Variants in TET1 observed in about 807,000 individuals in gnomAD.
TET1 encodes the protein methylcytosine dioxygenase TET1.
A neutral mutation model predicts 148.7 loss-of-function variants in TET1; 13 were observed. The ratio of observed to expected loss-of-function variants is 0.09; its 90% confidence interval spans 0.06 to 0.14. The LOEUF (loss-of-function observed/expected upper bound fraction) is 0.14, where lower values mean the gene tolerates loss of function less well. TET1 is among the 10% of genes least tolerant of loss of function. The pLI, the probability that TET1 is intolerant of heterozygous loss-of-function variation, is 1.00. For missense variants in TET1, 2,182 were observed against 2,553.8 expected (o/e 0.85, Z 3.14); for synonymous variants, 907 against 937.2 (o/e 0.97, Z 0.59).
intron 6 of TET1, among the ~76,000 whole-genome samples, chr10:68,660,963 G>A (rs539548275): frequency 1.5e-4 from 23 of 150,102 alleles, no homozygotes; most frequent in South Asian, 4.2e-4. Flanking sequence ...CGCGCTAGCC[G>A]TTTTAAACCT....
intron 8 of TET1, among the ~76,000 whole-genome samples, chr10:68,680,426 C>T (rs915195070): frequency 6.6e-6 from 1 of 152,198 alleles, no homozygotes; most frequent in Non-Finnish European, 1.5e-5. Context: ...TGATCTGCCA[C>T]TTCAGCCTCC....
At chr10:68,614,247 G>A (rs556403262) in intron 3 of TET1, among the ~76,000 whole-genome samples, 2 of 152,272 alleles carry the variant, frequency 1.3e-5, no homozygotes, top group South Asian at 2.1e-4. Flanking sequence ...AAGATGCTAT[G>A]CATTATCACA....
intron 2 of TET1, among the ~76,000 whole-genome samples, chr10:68,577,529 C>T (rs1464231869): frequency 2.0e-5 from 3 of 151,650 alleles, no homozygotes; most frequent in Non-Finnish European, 2.9e-5. Flanking sequence ...ATAGCTGGGC[C>T]GGGTGCATTG....
chr10:68,571,389 C>T lies in TET1; in HGVS notation c.-122-828C>T, dbSNP rs902078203. On this transcript the variant is annotated intron_variant, in intron 1 of 11. Coordinates refer to ENST00000373644, the MANE Select transcript of TET1 (RefSeq NM_030625.3). Reference sequence around the variant, plus strand: ...CGCAATCTCGGCTCACCGCAATCTCCGCCTCCTGGGTTCAAGTGATTCTCC... The same window carrying T: ...CGCAATCTCGGCTCACCGCAATCTCTGCCTCCTGGGTTCAAGTGATTCTCC... Among the ~76,000 whole-genome samples, 8 of 151,998 alleles carry T rather than the reference C, an allele frequency of 5.3e-5. No individual in the cohort carries two copies. In the South Asian group the frequency reaches 6.2e-4, roughly 12 times the overall value.
chr10:68,641,210 T>A (rs1191605182), intron 3 of TET1, among the ~76,000 whole-genome samples: 1 of 152,044 alleles, frequency 6.6e-6, no homozygotes, highest in East Asian at 1.9e-4. Context: ...TTATTCTTTT[T>A]TTTCTTTTTG....
At chr10:68,604,229 T>C (rs1375223438) in intron 3 of TET1, among the ~76,000 whole-genome samples, 3 of 151,910 alleles carry the variant, frequency 2.0e-5, no homozygotes, top group Non-Finnish European at 4.4e-5. Context: ...TGAGTAGGAG[T>C]GTATACTCCC....
chr10:68,595,959 T>C lies in TET1; in HGVS notation c.1915-5022T>C, dbSNP rs9664624. ...ATATATATATATATATATATATATA[T>C]ATACACACACACACACACATATATA... On this transcript the variant is annotated intron_variant, in intron 2 of 11. Transcript: ENST00000373644. 1.1e-3 allele frequency among the ~76,000 whole-genome samples: 42 copies of C among 37,668 alleles called. 1 individual carries two copies. The highest frequency in any genetic ancestry group is 3.3e-3 in the African/African-American group (38 of 11,480). The allele number at this position is 37,668 out of a possible 152,430, so 24.7% of individuals were successfully genotyped here.
intron 1 of TET1, among the ~76,000 whole-genome samples, chr10:68,567,502 C>T (rs920711976): frequency 2.0e-5 from 3 of 151,980 alleles, no homozygotes; most frequent in Admixed American, 6.6e-5. Context: ...CCATGTTGGT[C>T]ACGCTGGTCT....
intron 3 of TET1, among the ~76,000 whole-genome samples, chr10:68,604,177 G>T (rs1227646213): frequency 1.3e-5 from 2 of 152,174 alleles, no homozygotes; most frequent in Non-Finnish European, 2.9e-5. Context: ...AGAAACATTT[G>T]TGTAAATAAC....
At chr10:68,593,421 T>TA (rs2053941571) in intron 2 of TET1, among the ~76,000 whole-genome samples, 1 of 141,806 alleles carries the variant, frequency 7.1e-6, no homozygotes, top group Admixed American at 7.2e-5. Flanking sequence ...GGGAAAAAAA[T>TA]AAAGTTTTTT....
intron 8 of TET1, 120 bp from the exon 9 acceptor site, chr10:68,681,279 T>C: frequency 1.8e-6 from 1 of 557,584 alleles, no homozygotes; most frequent in Non-Finnish European, 3.2e-6. Context: ...GGTAGCTATT[T>C]TATCAGGATA....
At chr10:68,661,225 G>GTTTTTTTTTTTTTTT (rs1564498225) in intron 6 of TET1, among the ~76,000 whole-genome samples, 2 of 94,834 alleles carry the variant, frequency 2.1e-5, no homozygotes, top group African/African-American at 7.7e-5. Flanking sequence ...TTTTTTTGTA[G>GTTTTTTTTTTTTTTT]TTTTAGTAGA....
intron 2 of TET1, among the ~76,000 whole-genome samples, chr10:68,595,991 C>CCAT (rs1457862890): frequency 0.017 from 1,020 of 60,044 alleles, 48 homozygotes; most frequent in Admixed American, 0.02. Context: ...TATACACACA[C>CCAT]ACACACACAC....
chr10:68,586,295 A>C (rs1307378247), intron 2 of TET1, among the ~76,000 whole-genome samples: 2 of 152,080 alleles, frequency 1.3e-5, no homozygotes, highest in Non-Finnish European at 2.9e-5. Flanking sequence ...CTCCTGCCTC[A>C]GCCTCCCTCA....
chr10:68,624,658 TTCTCTCTCTCTCTCTC>T lies in TET1; in HGVS notation c.1969-20016_1969-20001del, dbSNP rs201414722. ...TTTCTTTCTTTCTTTCTTTCTTTCT[TTCTCTCTCTCTCTCTC>T]TCTCTCTCTCTCTCTCTCTCTCTTT... On this transcript the variant is annotated intron_variant, in intron 3 of 11. Coordinates refer to ENST00000373644, the MANE Select transcript of TET1 (RefSeq NM_030625.3). Among the ~76,000 whole-genome samples the T allele has an allele frequency of 1.9e-3, 184 of 95,246 alleles. 7 individuals carry two copies. Among genetic ancestry groups the T allele is most frequent in the Non-Finnish European group, 2.8e-3 (123 of 44,244 alleles). 62.5% of individuals were successfully genotyped at this position (95,246 alleles called of 152,430 possible).
At chr10:68,594,817 G>A (rs949693) in intron 2 of TET1, among the ~76,000 whole-genome samples, 93,452 of 151,464 alleles carry the variant, frequency 0.62, 28,922 homozygotes, top group Middle Eastern at 0.68. Context: ...TAACTCTATT[G>A]AAAATACAAA....
At chr10:68,667,330 C>A (rs530086230) in intron 7 of TET1, 74 bp downstream of exon 7, 47 of 1,226,168 alleles carry the variant, frequency 3.8e-5, no homozygotes, top group Non-Finnish European at 4.8e-5. Flanking sequence ...TAATTAGCTA[C>A]CAACTATGTA....
intron 2 of TET1, among the ~76,000 whole-genome samples, chr10:68,595,981 T>TACACACACACAC (rs1159203921): frequency 2.4e-5 from 1 of 40,838 alleles, no homozygotes; most frequent in Admixed American, 3.3e-4. Flanking sequence ...CACACACATA[T>TACACACACACAC]ATACACACAC....
intron 6 of TET1, among the ~76,000 whole-genome samples, chr10:68,659,747 A>G (rs541282306): frequency 1.3e-5 from 2 of 152,332 alleles, no homozygotes; most frequent in East Asian, 1.9e-4. Flanking sequence ...TTTTAATTCA[A>G]GTATAATATA....
Sources: allele counts gnomAD v4.1 joint callset (sites outside exome capture counted in the v4.1 genomes callset), GRCh38; gene constraint gnomAD v4.1.1; transcripts MANE v1.5; gene names NCBI Gene and HGNC (gene_info 2026-07-23, HGNC 2026-07-21).